EFCAB6: variants seen among roughly 807,000 people sequenced by gnomAD.
EFCAB6 encodes EF-hand calcium binding domain 6.
A neutral mutation model predicts 169.8 loss-of-function variants in EFCAB6; 156 were observed. That is an observed-to-expected ratio of 0.92 (90% CI 0.81 to 1.05). EFCAB6 has a LOEUF of 1.05. Ranked by LOEUF, EFCAB6 falls within the 50% of genes least tolerant of loss-of-function variation. The pLI is 0.00. For missense variants in EFCAB6, 1,800 were observed against 1,829.1 expected (o/e 0.98, Z 0.29); for synonymous variants, 698 against 676.4 (o/e 1.03, Z -0.50).
At chr22:43,649,724 A>T (rs186171218) in intron 17 of EFCAB6, among the ~76,000 whole-genome samples, 2 of 152,276 alleles carry the variant, frequency 1.3e-5, no homozygotes. Flanking sequence ...AGACAGAAAA[A>T]ATGCATCAAA....
intron 10 of EFCAB6, among the ~76,000 whole-genome samples, chr22:43,691,910 G>GGT (rs2058427085): frequency 6.6e-6 from 1 of 152,134 alleles, no homozygotes; most frequent in South Asian, 2.1e-4. Context: ...GAACTGTGGG[G>GGT]GTGTGGTATT....
intron 2 of EFCAB6, among the ~76,000 whole-genome samples, chr22:43,808,533 T>C (rs2062997132): frequency 1.3e-5 from 2 of 152,158 alleles, no homozygotes; most frequent in South Asian, 4.2e-4. Context: ...AAGGTGTAGA[T>C]GGATCACAGG....
chr22:43,580,599 C>T lies in EFCAB6; in HGVS notation c.3093G>A (p.Glu1031=). 6.2e-7 allele frequency: 1 copy of T among 1,614,172 alleles called. No individual in the cohort carries two copies. The highest frequency in any genetic ancestry group is 8.5e-7 in the Non-Finnish European group (1 of 1,180,028). Residue 1031 remains glutamate, a synonymous_variant, in exon 25 of 32, where the codon GAG becomes GAA. Transcript: ENST00000262726. ...GCTGAGCTCCTGTTGACTTGCTGTT[C>T]TCCACTGCTCTCAGGAAGTCGAGGT... The part of the protein sequence containing the change: ...INYLDFLRAV[E]NSKSTGAQPK...
Position 43,608,594 on chromosome 22 carries a change from G to A in EFCAB6, c.2569C>T (p.Leu857=). 6.2e-7 allele frequency: 1 copy of A among 1,614,076 alleles called. No individual in the cohort carries two copies. The highest frequency in any genetic ancestry group is 1.1e-5 in the South Asian group (1 of 91,064). ...NRWSDLSKNF[L]ETDNEGNGIL... ...CCATTGCCCTCATTATCGGTTTCTA[G>A]AAAATTCTACAACATCAGAATACGG... The change falls in exon 22 of 32, where the codon CTA becomes TTA. Residue 857 remains leucine (L), a synonymous_variant. Coordinates refer to ENST00000262726, the MANE Select transcript of EFCAB6 (RefSeq NM_022785.4).
rs1025914939 is a variant in EFCAB6, at chr22:43,551,437, C to T, written c.3648+3432G>A. Among the ~76,000 whole-genome samples, 10 of 152,326 alleles carry T rather than the reference C, an allele frequency of 6.6e-5. No homozygotes were observed. The East Asian group carries it at 7.7e-4, about 12-fold the overall frequency. ...ATTACTTTAGCACGAACCTAATATT[C>T]GTGCCAGAGTTTGAGGTTCTTGATG... On this transcript the variant is annotated intron_variant, in intron 27 of 31. Coordinates refer to ENST00000262726, the MANE Select transcript of EFCAB6 (RefSeq NM_022785.4).
At chr22:43,777,240 C>T (rs940094202) in intron 3 of EFCAB6, among the ~76,000 whole-genome samples, 1 of 152,306 alleles carries the variant, frequency 6.6e-6, no homozygotes, top group South Asian at 2.1e-4. Flanking sequence ...TAGCCAGTTC[C>T]GGTCTGAGAT....
In EFCAB6 at chr22:43,772,972, A is replaced by C; in HGVS notation, c.271T>G (p.Ser91Ala). 1 of 1,614,226 alleles carries C rather than the reference A, an allele frequency of 6.2e-7. No homozygotes were observed. The highest frequency in any genetic ancestry group is 1.1e-5 in the South Asian group (1 of 91,088). ...ATGATTCTTCTCAGTTCACTTTTTG[A>C]CACAGTCAAGTTCTGACCAGTATCC... ...LLDTGQNLTV[S>A]KSELRRIITD... The change falls in exon 4 of 32, where the codon TCA becomes GCA. Residue 91 changes from serine (S) to alanine (A), a missense_variant. Ser to Ala is a moderately conservative substitution (Grantham distance 99). Coordinates refer to ENST00000262726, the MANE Select transcript of EFCAB6 (RefSeq NM_022785.4).
intron 2 of EFCAB6, among the ~76,000 whole-genome samples, chr22:43,786,364 A>G (rs939584315): frequency 6.6e-5 from 10 of 152,110 alleles, no homozygotes; most frequent in Non-Finnish European, 1.0e-4. Flanking sequence ...AGAAGAAAAA[A>G]CATTTCTCAA....
intron 27 of EFCAB6, among the ~76,000 whole-genome samples, chr22:43,544,280 T>C (rs1353512365): frequency 6.6e-6 from 1 of 152,026 alleles, no homozygotes; most frequent in Non-Finnish European, 1.5e-5. Context: ...AAAATATACA[T>C]TATATCAAAT....
intron 8 of EFCAB6, among the ~76,000 whole-genome samples, chr22:43,727,393 A>C (rs1028634900): frequency 6.6e-6 from 1 of 152,186 alleles, no homozygotes; most frequent in Non-Finnish European, 1.5e-5. Flanking sequence ...GCACCACTGC[A>C]TTCCTGCCTG....
At chr22:43,550,294 A>C (rs777016097) in intron 27 of EFCAB6, among the ~76,000 whole-genome samples, 29 of 152,162 alleles carry the variant, frequency 1.9e-4, no homozygotes, top group Admixed American at 3.3e-4. Context: ...ACTGAAACCT[A>C]AGTCCACCTG....
At chr22:43,585,357 G>A (rs776642184) in intron 24 of EFCAB6, among the ~76,000 whole-genome samples, 27 of 152,080 alleles carry the variant, frequency 1.8e-4, no homozygotes, top group East Asian at 3.9e-4. Context: ...TCAGCAGACC[G>A]GACATGGTTG....
intron 26 of EFCAB6, among the ~76,000 whole-genome samples, chr22:43,575,362 T>G (rs1238436521): frequency 2.1e-5 from 3 of 140,058 alleles, no homozygotes; most frequent in African/African-American, 5.3e-5. Context: ...GGCTATGTTT[T>G]TTTTTTTTTT....
At chr22:43,557,551 TA>T (rs2048781429) in intron 26 of EFCAB6, among the ~76,000 whole-genome samples, 1 of 152,156 alleles carries the variant, frequency 6.6e-6, no homozygotes, top group Non-Finnish European at 1.5e-5. Context: ...CATCTATCAT[TA>T]AAAAGGTGTT....
At chr22:43,672,870 TTAAAA>T (rs1229186082) in intron 13 of EFCAB6, among the ~76,000 whole-genome samples, 1 of 141,980 alleles carries the variant, frequency 7.0e-6, no homozygotes, top group Non-Finnish European at 1.6e-5. Context: ...ACCCCTGAAC[TTAAAA>T]TAAAAGTTAA....
At chr22:43,769,513 T>C (rs551897771) in intron 4 of EFCAB6, among the ~76,000 whole-genome samples, 43 of 152,306 alleles carry the variant, frequency 2.8e-4, no homozygotes, top group Non-Finnish European at 1.5e-5. Flanking sequence ...AAGCTGCTAT[T>C]AAAAATGTAG....
intron 2 of EFCAB6, among the ~76,000 whole-genome samples, chr22:43,784,643 ACATATATATGTG>A (rs1305249240): frequency 1.9e-5 from 2 of 106,732 alleles, no homozygotes; most frequent in African/African-American, 3.8e-5. Context: ...GTATATGTAC[ACATATATATGTG>A]TATATATACA....
chr22:43,649,143 G>A (rs2056336877), intron 17 of EFCAB6, among the ~76,000 whole-genome samples: 2 of 152,248 alleles, frequency 1.3e-5, no homozygotes, highest in African/African-American at 4.8e-5. Flanking sequence ...CCCAGAAGGT[G>A]AGGGAGGAAC....
At chr22:43,630,916 G>A (rs1439195149) in intron 19 of EFCAB6, among the ~76,000 whole-genome samples, 1 of 150,694 alleles carries the variant, frequency 6.6e-6, no homozygotes, top group Non-Finnish European at 1.5e-5. Context: ...CCAAAAATTA[G>A]GATGCACATT....
Sources: gnomAD v4.1 joint callset for allele counts (sites outside exome capture counted in the v4.1 genomes callset) on GRCh38, gnomAD v4.1.1 for gene constraint, MANE v1.5 for transcripts, NCBI Gene and HGNC (gene_info 2026-07-23, HGNC 2026-07-21) for gene names.